The following IGF1 variants were observed in gnomAD, a reference collection of about 807,000 sequenced individuals.
IGF1 encodes the protein insulin like growth factor 1.
A neutral mutation model predicts 13.8 loss-of-function variants in IGF1; 4 were observed. The observed-to-expected ratio is 0.29, with a 90% confidence interval of 0.14 to 0.66. IGF1 has a LOEUF of 0.66. Ranked by LOEUF, IGF1 falls within the 30% of genes least tolerant of loss-of-function variation. The pLI is 0.78. For synonymous variants in IGF1, 76 were observed against 72.6 expected (o/e 1.05, Z -0.23); for missense variants, 124 against 188.5 (o/e 0.66, Z 2.00).
intron 2 of IGF1, among the ~76,000 whole-genome samples, chr12:102,425,583 T>C: frequency 6.6e-6 from 1 of 152,208 alleles, no homozygotes; most frequent in East Asian, 1.9e-4. Flanking sequence ...GCTGCCCCTT[T>C]GTTGAAAGCC....
chr12:102,481,793 A>C (rs915779720), upstream of IGF1: 1 of 149,092 alleles, frequency 6.7e-6, no homozygotes, highest in African/African-American at 2.5e-5. Flanking sequence ...TTTTTTCCAC[A>C]TGACTCTCAG....
intron 2 of IGF1, among the ~76,000 whole-genome samples, chr12:102,430,692 A>G (rs1481634268): frequency 6.6e-6 from 1 of 152,232 alleles, no homozygotes; most frequent in East Asian, 1.9e-4. Flanking sequence ...TTTTCTTCTC[A>G]AACGACTTGT....
intron 3 of IGF1, among the ~76,000 whole-genome samples, chr12:102,410,579 A>G (rs1220681254): frequency 6.6e-6 from 1 of 152,194 alleles, no homozygotes; most frequent in Non-Finnish European, 1.5e-5. Context: ...CATCTGACAT[A>G]CAATTTATGC....
chr12:102,406,102 C>T (rs1481057843), intron 3 of IGF1, among the ~76,000 whole-genome samples: 4 of 152,232 alleles, frequency 2.6e-5, no homozygotes, highest in Admixed American at 6.5e-5. Context: ...CACACGTGCA[C>T]GGTGGAGGCC....
At chr12:102,443,637 A>G (rs893849189) in intron 2 of IGF1, among the ~76,000 whole-genome samples, 27 of 152,060 alleles carry the variant, frequency 1.8e-4, no homozygotes, top group African/African-American at 6.5e-4. Flanking sequence ...AATGAACAAA[A>G]CAACAGATCA....
intron 2 of IGF1, among the ~76,000 whole-genome samples, chr12:102,437,712 G>A (rs1877365906): frequency 6.6e-6 from 1 of 152,168 alleles, no homozygotes; most frequent in African/African-American, 2.4e-5. Context: ...TTGCACAATA[G>A]GGTGACTCTG....
chr12:102,441,298 A>G (rs768046774), intron 2 of IGF1, among the ~76,000 whole-genome samples: 1 of 152,204 alleles, frequency 6.6e-6, no homozygotes, highest in South Asian at 2.1e-4. Context: ...AAAATGTTAC[A>G]GTCATCTTTG....
chr12:102,441,926 T>TTCTTCC (rs1877816262), intron 2 of IGF1, among the ~76,000 whole-genome samples: 1 of 127,268 alleles, frequency 7.9e-6, no homozygotes, highest in African/African-American at 2.9e-5. Context: ...CTTCTTCTTC[T>TTCTTCC]TCTTCTTCTT....
chr12:102,445,646 T>C (rs1373497864), intron 2 of IGF1, among the ~76,000 whole-genome samples: 1 of 152,230 alleles, frequency 6.6e-6, no homozygotes, highest in East Asian at 1.9e-4. Flanking sequence ...GCTGAGATGA[T>C]GGGGTTTTCT....
intron 2 of IGF1, among the ~76,000 whole-genome samples, chr12:102,454,602 A>G (rs1443329065): frequency 2.0e-5 from 3 of 152,362 alleles, no homozygotes; most frequent in African/African-American, 4.8e-5. Context: ...TGAAGCTCCC[A>G]AGAATATTTA....
chr12:102,444,330 CAAAAGTTCAG>C (rs1878130481), intron 2 of IGF1, among the ~76,000 whole-genome samples: 1 of 151,520 alleles, frequency 6.6e-6, no homozygotes, highest in Non-Finnish European at 1.5e-5. Flanking sequence ...TTACACAGAG[CAAAAGTTCAG>C]ATTACATCAG....
chr12:102,470,933 G>A (rs1395451628), intron 2 of IGF1, among the ~76,000 whole-genome samples: 1 of 152,228 alleles, frequency 6.6e-6, no homozygotes, highest in Non-Finnish European at 1.5e-5. Context: ...ACAGTCAGGA[G>A]AGTGAGAGAA....
chr12:102,440,009 G>A (rs1877574874), intron 2 of IGF1, among the ~76,000 whole-genome samples: 1 of 152,162 alleles, frequency 6.6e-6, no homozygotes, highest in South Asian at 2.1e-4. Flanking sequence ...ATCTTTAAAT[G>A]TAGGATGACA....
intron 2 of IGF1, among the ~76,000 whole-genome samples, chr12:102,444,398 C>G (rs984676313): frequency 6.6e-6 from 1 of 151,936 alleles, no homozygotes; most frequent in Admixed American, 6.6e-5. Context: ...CAATACTAGA[C>G]TGCAACAGGA....
chr12:102,400,282 A>G lies in IGF1; in HGVS notation c.*2225T>C, dbSNP rs969884529. ...CAAGCCTGGGTACTTTTAACCAAAAAGTTCTAAGGTGACTAGAAAGATCTG... is the reference window on the plus strand; with the variant it reads ...CAAGCCTGGGTACTTTTAACCAAAAGGTTCTAAGGTGACTAGAAAGATCTG... On this transcript the variant is annotated 3_prime_UTR_variant, in exon 4 of 4. Transcript: ENST00000337514. 3 of 152,196 alleles carry G rather than the reference A, an allele frequency of 2.0e-5. No homozygotes were observed. The highest frequency in any genetic ancestry group is 7.2e-5 in the African/African-American group (3 of 41,466). 9.4% of individuals were successfully genotyped at this position (152,196 alleles called of 1,614,324 possible). A position where few individuals can be genotyped will look rare whatever the true frequency, so the allele number is the denominator to read the frequency against.
At chr12:102,475,216 C>G (rs915914446) in intron 2 of IGF1, among the ~76,000 whole-genome samples, 4 of 152,104 alleles carry the variant, frequency 2.6e-5, no homozygotes, top group Non-Finnish European at 5.9e-5. Context: ...ATCCACATGA[C>G]TGGAGAGTCC....
intron 2 of IGF1, among the ~76,000 whole-genome samples, chr12:102,445,003 C>T (rs2137113372): frequency 1.3e-5 from 2 of 152,086 alleles, no homozygotes; most frequent in East Asian, 3.9e-4. Context: ...AATCCTTTCC[C>T]CATTGCTTGT....
At chr12:102,420,292 C>T (rs995139150) in intron 2 of IGF1, among the ~76,000 whole-genome samples, 2 of 152,112 alleles carry the variant, frequency 1.3e-5, no homozygotes, top group African/African-American at 4.8e-5. Flanking sequence ...GCTGCAAAGC[C>T]CAAGTGCCTC....
At chr12:102,412,469 G>A (rs375383300) in intron 3 of IGF1, among the ~76,000 whole-genome samples, 127 of 152,252 alleles carry the variant, frequency 8.3e-4, no homozygotes, top group African/African-American at 2.8e-3. Context: ...GTTTGGTGTA[G>A]TTTATTACAG....
Sources: allele counts gnomAD v4.1 joint callset (sites outside exome capture counted in the v4.1 genomes callset), GRCh38; gene constraint gnomAD v4.1.1; transcripts MANE v1.5; gene names NCBI Gene and HGNC (gene_info 2026-07-23, HGNC 2026-07-21).